The following FBLN5 variants were observed in gnomAD, a reference collection of about 807,000 sequenced individuals.
FBLN5 encodes fibulin 5, also known as fibulin-5.
Under a neutral mutation model 61.6 loss-of-function variants are expected in FBLN5, and 24 were observed. That is an observed-to-expected ratio of 0.39 (90% confidence interval 0.28 to 0.55). The LOEUF is 0.55. Ranked by LOEUF, FBLN5 falls within the 20% of genes least tolerant of loss-of-function variation. FBLN5 has a pLI of 0.65. For missense variants in FBLN5, 470 were observed against 594.1 expected (o/e 0.79, Z 2.17); for synonymous variants, 213 against 219.8 (o/e 0.97, Z 0.27).
chr14:91,935,834 C>T (rs1337864432), intron 4 of FBLN5, among the ~76,000 whole-genome samples: 1 of 152,210 alleles, frequency 6.6e-6, no homozygotes, highest in South Asian at 2.1e-4. Context: ...CAGTCATCTA[C>T]GTTTAAGGTA....
At chr14:91,907,186 T>C (rs1890718693) in intron 4 of FBLN5, among the ~76,000 whole-genome samples, 1 of 152,210 alleles carries the variant, frequency 6.6e-6, no homozygotes, top group Non-Finnish European at 1.5e-5. Context: ...ATGTAATATG[T>C]GCAATGTCCG....
intron 7 of FBLN5, among the ~76,000 whole-genome samples, chr14:91,886,607 C>T (rs145971780): frequency 4.6e-5 from 7 of 152,288 alleles, no homozygotes; most frequent in South Asian, 2.1e-4. Context: ...CAAATTATTA[C>T]GATTTCATTC....
chr14:91,925,510 G>A (rs1192330823), intron 4 of FBLN5, among the ~76,000 whole-genome samples: 1 of 152,228 alleles, frequency 6.6e-6, no homozygotes, highest in Non-Finnish European at 1.5e-5. Context: ...TCCAGGGGGT[G>A]CCAGTGACAT....
intron 4 of FBLN5, among the ~76,000 whole-genome samples, chr14:91,909,107 T>C (rs952140100): frequency 1.3e-5 from 2 of 151,792 alleles, no homozygotes; most frequent in Non-Finnish European, 2.9e-5. Context: ...TTAGTAGAGA[T>C]GGGGTTTCAC....
rs1890085328 is a variant in FBLN5, at chr14:91,893,558, G to A, written c.502+1392C>T. On this transcript the variant is annotated intron_variant, in intron 5 of 10. Coordinates refer to ENST00000342058, the MANE Select transcript of FBLN5 (RefSeq NM_006329.4). ...TCAACTCCTCCAGGACTGACTTTCA[G>A]GCAACAGAATGGTGTCTTAGAGAAT... Among the ~76,000 whole-genome samples, 3 of 152,300 alleles carry A rather than the reference G, an allele frequency of 2.0e-5. No homozygotes were observed. The South Asian group carries it at 6.2e-4, about 32-fold the overall frequency.
chr14:91,869,641 T>C lies in FBLN5; in HGVS notation c.*583A>G, dbSNP rs1310717154. 1 of 159,768 alleles carries C rather than the reference T, an allele frequency of 6.3e-6. No homozygotes were observed. The allele number at this position is 159,768 out of a possible 1,614,324, so 9.9% of individuals were successfully genotyped here. ...TGAACAAGACAGAATTAAACCGTTA[T>C]ACAAATTTAAGGACAACTGAAACTT... On this transcript the variant is annotated 3_prime_UTR_variant, in exon 11 of 11. Coordinates refer to ENST00000342058, the MANE Select transcript of FBLN5 (RefSeq NM_006329.4).
rs895123263 is a variant in FBLN5 at position 91,944,323 on chromosome 14, G to A, written c.18-1362C>T. Among the ~76,000 whole-genome samples, 4 of 152,252 alleles carry A rather than the reference G, an allele frequency of 2.6e-5. No individual in the cohort carries two copies. In the South Asian group the frequency reaches 6.2e-4, roughly 24 times the overall value. ...ATGGAAAAGAGCAAGCGTTAGGGAG[G>A]ATGTGGAGAAAGTGAAACTCCTGTG... On this transcript the variant is annotated intron_variant, in intron 1 of 10. Transcript: ENST00000342058.
At chr14:91,898,392 C>T (rs1159754216) in intron 4 of FBLN5, among the ~76,000 whole-genome samples, 2 of 152,080 alleles carry the variant, frequency 1.3e-5, no homozygotes, top group African/African-American at 4.8e-5. Flanking sequence ...GGTGTGTGTA[C>T]TTTAAAAACA....
intron 5 of FBLN5, among the ~76,000 whole-genome samples, chr14:91,894,402 CAAAAAAA>C (rs58035118): frequency 1.5e-4 from 5 of 34,412 alleles, no homozygotes; most frequent in African/African-American, 1.2e-4. Flanking sequence ...GACACCATAT[CAAAAAAA>C]AAAAAAAAAA....
At position 91,871,812 on chromosome 14, in the gene FBLN5, G is replaced by A. The variant is rs188429474; in HGVS notation, c.1186-1427C>T. Reference sequence around the variant, plus strand: ...GCAGAGGTTGCAGTGAATAGAGATCGCACCACTATACTCCACCCTGGACAA... The same window carrying A: ...GCAGAGGTTGCAGTGAATAGAGATCACACCACTATACTCCACCCTGGACAA... On this transcript the variant is annotated intron_variant, in intron 10 of 10. Coordinates refer to ENST00000342058, the MANE Select transcript of FBLN5 (RefSeq NM_006329.4). 2.4e-3 allele frequency among the ~76,000 whole-genome samples: 355 copies of A among 150,460 alleles called. 1 individual carries two copies. The highest frequency in any genetic ancestry group is 8.3e-3 in the African/African-American group (339 of 40,830).
At chr14:91,912,295 GA>G (rs1186632922) in intron 4 of FBLN5, among the ~76,000 whole-genome samples, 1 of 152,172 alleles carries the variant, frequency 6.6e-6, no homozygotes, top group East Asian at 1.9e-4. Flanking sequence ...CCAGGAGTTA[GA>G]GACCAGCCTG....
chr14:91,917,575 C>CAAAAAAAAAAAAAAAAAAAATAA (rs1891247675), intron 4 of FBLN5, among the ~76,000 whole-genome samples: 1 of 63,472 alleles, frequency 1.6e-5, no homozygotes, highest in Non-Finnish European at 2.7e-5. Context: ...GACTCCATCT[C>CAAAAAAAAAAAAAAAAAAAATAA]AAAAAAAAAA....
intron 4 of FBLN5, among the ~76,000 whole-genome samples, chr14:91,900,769 C>T (rs542377072): frequency 1.3e-5 from 2 of 152,302 alleles, no homozygotes; most frequent in South Asian, 4.1e-4. Context: ...AACAGGAGCA[C>T]AGGTGCCAGC....
At chr14:91,937,773 T>C (rs1402462267) in intron 3 of FBLN5, among the ~76,000 whole-genome samples, 1 of 152,158 alleles carries the variant, frequency 6.6e-6, no homozygotes, top group South Asian at 2.1e-4. Context: ...GCTTCCACAA[T>C]TGTAAGAAAT....
intron 7 of FBLN5, among the ~76,000 whole-genome samples, chr14:91,884,471 G>C (rs1213530123): frequency 6.6e-6 from 1 of 152,234 alleles, no homozygotes; most frequent in Admixed American, 6.5e-5. Context: ...ATGCCAAGCA[G>C]TGGGTTAAAT....
Position 91,925,221 on chromosome 14 carries a change from C to T in FBLN5, c.379+11726G>A, listed in dbSNP as rs58617081. On this transcript the variant is annotated intron_variant, in intron 4 of 10. Transcript: ENST00000342058. ...CCCAAGTATTCTGCTTCCCCGGCCC[C>T]AACATACCCGCCGGCCCCAGAGTCT... 5.9e-5 allele frequency among the ~76,000 whole-genome samples: 9 copies of T among 152,330 alleles called. No homozygotes were observed. In the East Asian group the frequency reaches 1.5e-3, roughly 26 times the overall value.
At chr14:91,901,233 G>C (rs1214991640) in intron 4 of FBLN5, among the ~76,000 whole-genome samples, 1 of 152,142 alleles carries the variant, frequency 6.6e-6, no homozygotes, top group African/African-American at 2.4e-5. Context: ...AACAGGCAAG[G>C]TCTGACTTTG....
rs74071605 is a variant in FBLN5, at chr14:91,881,279, C to T, written c.989+13G>A. 3.1e-3 allele frequency: 4,963 copies of T among 1,613,864 alleles called. 104 individuals are homozygous for T. In the African/African-American group the frequency reaches 0.047, roughly 15 times the overall value. On this transcript the variant is annotated intron_variant, in intron 9 of 10. Transcript: ENST00000342058. ...ATCAGGTTTCTATTCCCCAGGGGGA[C>T]GCCGTGACTTACTTATCACTGATCC...
rs79375113 is a variant in FBLN5, at chr14:91,869,898, C to T, written c.*326G>A. On this transcript the variant is annotated 3_prime_UTR_variant, in exon 11 of 11. Transcript: ENST00000342058. ...TGTTCACAGTCTTTGAACATAGACT[C>T]AGACCCCCGCAAACCTAATCTATTT... is the stretch of plus-strand genomic sequence containing the variant. 0.016 allele frequency: 5,898 copies of T among 366,696 alleles called. 209 individuals are homozygous for T. The highest frequency in any genetic ancestry group is 0.076 in the South Asian group (3,513 of 46,174). The allele number at this position is 366,696 out of a possible 1,614,324, so 22.7% of individuals were successfully genotyped here. A position where few individuals can be genotyped will look rare whatever the true frequency, so the allele number is the denominator to read the frequency against.
Sources: allele counts gnomAD v4.1 joint callset (sites outside exome capture counted in the v4.1 genomes callset), GRCh38; gene constraint gnomAD v4.1.1; transcripts MANE v1.5; gene names NCBI Gene and HGNC (gene_info 2026-07-23, HGNC 2026-07-21).